PSTPIP2: variants seen among roughly 807,000 people sequenced by gnomAD.
PSTPIP2 encodes proline-serine-threonine phosphatase-interacting protein 2.
PSTPIP2 carries 33 observed loss-of-function variants against 63.3 expected under a neutral mutation model. That is an observed-to-expected ratio of 0.52 (90% confidence interval 0.40 to 0.70). The LOEUF is 0.70. Among genes scored for constraint, PSTPIP2 ranks in the 30% least tolerant of loss-of-function variants. The pLI is 0.00. For missense variants in PSTPIP2, 312 were observed against 400.7 expected (o/e 0.78, Z 1.89); for synonymous variants, 125 against 132.7 (o/e 0.94, Z 0.40).
In PSTPIP2 at chr18:45,988,768, G is replaced by A; in HGVS notation, c.956-9C>T. On this transcript the variant is annotated splice_polypyrimidine_tract_variant and intron_variant, in intron 13 of 14. Coordinates refer to ENST00000409746, the MANE Select transcript of PSTPIP2 (RefSeq NM_024430.4). ...AGAGTAATTGGGATCATCTGCAAAA[G>A]GCAGAACACAGAAAACAACAGTAAC... The A allele has an allele frequency of 6.4e-7, 1 of 1,554,518 alleles. No individual in the cohort carries two copies.
intron 4 of PSTPIP2, among the ~76,000 whole-genome samples, chr18:46,013,720 T>C (rs749365553): frequency 7.2e-5 from 11 of 152,062 alleles, no homozygotes; most frequent in Non-Finnish European, 1.5e-4. Flanking sequence ...TCCAGACTCA[T>C]ATCAATAAAT....
At chr18:46,030,967 CTT>C (rs1027068014) in intron 2 of PSTPIP2, among the ~76,000 whole-genome samples, 2 of 152,188 alleles carry the variant, frequency 1.3e-5, no homozygotes, top group African/African-American at 4.8e-5. Flanking sequence ...AATTCAATAA[CTT>C]AGCCAGGATG....
intron 1 of PSTPIP2, among the ~76,000 whole-genome samples, chr18:46,064,457 A>ATTTTT (rs34169328): frequency 0.072 from 7,615 of 105,680 alleles, 387 homozygotes; most frequent in East Asian, 0.18. Flanking sequence ...CACCTGGCTA[A>ATTTTT]TTTTTTTTTT....
intron 4 of PSTPIP2, among the ~76,000 whole-genome samples, chr18:46,014,224 G>A (rs2051830583): frequency 6.6e-6 from 1 of 151,982 alleles, no homozygotes; most frequent in Non-Finnish European, 1.5e-5. Flanking sequence ...GTTTTACCAT[G>A]TTGGCCAGAC....
intron 9 of PSTPIP2, among the ~76,000 whole-genome samples, chr18:45,994,251 A>G (rs1349822901): frequency 6.6e-6 from 1 of 152,254 alleles, no homozygotes; most frequent in East Asian, 1.9e-4. Flanking sequence ...ACCTTTAAAA[A>G]AATCAAGCTG....
At chr18:46,026,686 G>A (rs1439753876) in intron 2 of PSTPIP2, among the ~76,000 whole-genome samples, 1 of 151,848 alleles carries the variant, frequency 6.6e-6, no homozygotes, top group Non-Finnish European at 1.5e-5. Flanking sequence ...GAGCAGCCCT[G>A]GCAACACAGC....
chr18:46,047,472 C>T (rs1264537244), intron 1 of PSTPIP2, among the ~76,000 whole-genome samples: 1 of 152,034 alleles, frequency 6.6e-6, no homozygotes, highest in Non-Finnish European at 1.5e-5. Flanking sequence ...AGTGCTGTAG[C>T]CTGTAGCTAC....
chr18:46,040,944 T>C, intron 1 of PSTPIP2: 3 of 453,826 alleles, frequency 6.6e-6, no homozygotes, highest in South Asian at 4.7e-5. Context: ...TGTCATGTGC[T>C]TCCTCATACT....
At chr18:45,993,788 A>G in intron 9 of PSTPIP2, 85 bp from the exon 10 acceptor site, 1 of 1,132,056 alleles carries the variant, frequency 8.8e-7, no homozygotes. Context: ...AAACAGTGTC[A>G]ACCTTCAGTT....
Position 46,005,549 on chromosome 18 carries a change from A to C in PSTPIP2, c.355-18T>G. On this transcript the variant is annotated intron_variant, in intron 5 of 14. Transcript: ENST00000409746. Reference sequence around the variant, plus strand: ...AGCTCTGTCTGTAAAGAGATCATAAACACTCTTAATAAAAACACAAATCAT... The same window carrying C: ...AGCTCTGTCTGTAAAGAGATCATAACCACTCTTAATAAAAACACAAATCAT... 1 of 1,530,036 alleles carries C rather than the reference A, an allele frequency of 6.5e-7. No individual in the cohort carries two copies. Among genetic ancestry groups the C allele is most frequent in the South Asian group, 1.2e-5 (1 of 83,706 alleles). The allele number at this position is 1,530,036 out of a possible 1,614,324, so 94.8% of individuals were successfully genotyped here.
chr18:46,010,586 T>C (rs2051784254), intron 5 of PSTPIP2, among the ~76,000 whole-genome samples: 1 of 152,246 alleles, frequency 6.6e-6, no homozygotes, highest in Admixed American at 6.5e-5. Flanking sequence ...ACTTCTTTTC[T>C]TGATCCCAAA....
intron 1 of PSTPIP2, chr18:46,040,935 G>C (rs1908168922): frequency 2.2e-6 from 1 of 451,472 alleles, no homozygotes; most frequent in South Asian, 1.6e-5. Flanking sequence ...CCAGCCTTCT[G>C]TCATGTGCTT....
At chr18:46,067,645 G>A (rs1194376820) in intron 1 of PSTPIP2, among the ~76,000 whole-genome samples, 1 of 152,128 alleles carries the variant, frequency 6.6e-6, no homozygotes, top group Non-Finnish European at 1.5e-5. Context: ...TCATAACAGG[G>A]GAGCTTTCAG....
At chr18:46,056,778 C>T (rs187603729) in intron 1 of PSTPIP2, among the ~76,000 whole-genome samples, 273 of 152,012 alleles carry the variant, frequency 1.8e-3, no homozygotes, top group Middle Eastern at 6.8e-3. Context: ...TTCTCATTAA[C>T]TTTGTTTTTT....
At chr18:45,997,699 A>ACACCC in intron 9 of PSTPIP2, 50 bp downstream of exon 9, 2 of 355,422 alleles carry the variant, frequency 5.6e-6, no homozygotes, top group South Asian at 4.0e-5. Context: ...CCTGTTACAC[A>ACACCC]CACCCCCACC....
intron 1 of PSTPIP2, among the ~76,000 whole-genome samples, chr18:46,063,521 A>T (rs921103706): frequency 3.3e-5 from 5 of 152,124 alleles, no homozygotes; most frequent in African/African-American, 1.2e-4. Flanking sequence ...CAAACTGGGA[A>T]TCAAACCCGG....
chr18:46,008,437 G>A (rs182688142), intron 5 of PSTPIP2, among the ~76,000 whole-genome samples: 2 of 130,080 alleles, frequency 1.5e-5, no homozygotes, highest in East Asian at 2.2e-4. Context: ...TCAGCTTCCC[G>A]AGTAACTGGG....
At chr18:46,036,881 C>T (rs938638596) in intron 2 of PSTPIP2, among the ~76,000 whole-genome samples, 2 of 152,122 alleles carry the variant, frequency 1.3e-5, no homozygotes, top group African/African-American at 4.8e-5. Context: ...CATGGTAGGA[C>T]TCTGACACTT....
At chr18:46,051,141 C>G (rs28689081) in intron 1 of PSTPIP2, among the ~76,000 whole-genome samples, 19,504 of 152,156 alleles carry the variant, frequency 0.13, 1,640 homozygotes, top group East Asian at 0.41. Flanking sequence ...GATTATAGGC[C>G]TGAGCCACTG....
Sources: allele counts gnomAD v4.1 joint callset (sites outside exome capture counted in the v4.1 genomes callset), GRCh38; gene constraint gnomAD v4.1.1; transcripts MANE v1.5; gene names NCBI Gene and HGNC (gene_info 2026-07-23, HGNC 2026-07-21).